RUSC1: variants seen among roughly 807,000 people sequenced by gnomAD.
RUSC1 encodes the protein RUN and SH3 domain containing 1.
A neutral mutation model predicts 72.1 loss-of-function variants in RUSC1; 40 were observed. The ratio of observed to expected loss-of-function variants is 0.55; its 90% CI spans 0.43 to 0.72. The LOEUF is 0.72. Ranked by LOEUF, RUSC1 falls within the 30% of genes least tolerant of loss-of-function variation. The pLI, the probability that RUSC1 is intolerant of heterozygous loss-of-function variation, is 0.00. For missense variants in RUSC1, 1,092 were observed against 1,172.3 expected, an observed-to-expected ratio of 0.93 and a Z score of 1.00; for synonymous variants, 512 against 494.2, an observed-to-expected ratio of 1.04 and a Z score of -0.48.
Position 155,325,970 on chromosome 1 carries a change from G to A in RUSC1, c.1861+60G>A. The stretch of plus-strand genomic sequence containing the variant: ...GGGCTGGGAGGATGGGAAGGAAAGA[G>A]TTCTCTCCTGCTGGTTCCCACTGCT... On this transcript the variant is annotated intron_variant, in intron 7 of 9. Coordinates refer to ENST00000368352, the MANE Select transcript of RUSC1 (RefSeq NM_001105203.2). This position sits in a 1 kb window ranked among gnomAD's most constrained non-coding sequence, Gnocchi z 6.5. The A allele has an allele frequency of 6.5e-7, 1 of 1,528,068 alleles. No homozygotes were observed. Among genetic ancestry groups the A allele is most frequent in the Non-Finnish European group, 9.1e-7 (1 of 1,101,780 alleles). The allele number at this position is 1,528,068 out of a possible 1,614,324, so 94.7% of individuals were successfully genotyped here.
intron 2 of RUSC1, chr1:155,323,437 C>T: frequency 3.6e-6 from 1 of 278,376 alleles, no homozygotes; most frequent in Non-Finnish European, 6.7e-6. Flanking sequence ...CCTGGTTTTC[C>T]GGTTCTCGGC....
At position 155,323,108 on chromosome 1, in the gene RUSC1, G is replaced by C; in HGVS notation, c.1335G>C (p.Pro445=). 2.8e-6 allele frequency: 4 copies of C among 1,423,830 alleles called. No homozygotes were observed. Among genetic ancestry groups the C allele is most frequent in the Non-Finnish European group, 3.7e-6 (4 of 1,093,960 alleles). The allele number at this position is 1,423,830 out of a possible 1,614,324, so 88.2% of individuals were successfully genotyped here. The change falls in exon 2 of 10, where the codon CCG becomes CCC. Residue 445 remains proline, a synonymous_variant. Transcript: ENST00000368352. ...AGEEAPAAKE[P]GAQAGLEVRS... The stretch of plus-strand genomic sequence containing the variant: ...AGGAGGCCCCAGCCGCGAAGGAGCC[G>C]GGCGCGCAGGCCGGCCTGGAGGGTA...
chr1:155,324,135 T>C, intron 2 of RUSC1: 1 of 1,292,108 alleles, frequency 7.7e-7, no homozygotes. Context: ...GGGCTTTGGG[T>C]CACACCCTCT....
At position 155,322,962 on chromosome 1, in the gene RUSC1, G is replaced by C; in HGVS notation, c.1189G>C (p.Val397Leu). 1 of 1,543,092 alleles carries C rather than the reference G, an allele frequency of 6.5e-7. No homozygotes were observed. Among genetic ancestry groups the C allele is most frequent in the Non-Finnish European group, 8.7e-7 (1 of 1,142,930 alleles). The change falls in exon 2 of 10, where the codon GTC (valine) becomes CTC (leucine). Residue 397 changes from valine to leucine, a missense_variant. By Grantham distance (32) the Val-to-Leu change is conservative. Transcript: ENST00000368352. ...PRDPPVGWAL[V>L]PPRPPPPPVP... ...AGACCCCCCAGTTGGCTGGGCTTTG[G>C]TCCCGCCCCGGCCCCCACCCCCGCC...
At position 155,325,147 on chromosome 1, in the gene RUSC1, A is replaced by T. The variant is rs763114846; in HGVS notation, c.1502A>T (p.His501Leu). The change falls in exon 4 of 10, where the codon CAT becomes CTT. Residue 501 changes from histidine (H) to leucine (L), a missense_variant. Transcript: ENST00000368352. This position sits in a 1 kb window ranked among gnomAD's most constrained non-coding sequence, Gnocchi z 6.5. ...VSVSVDKIIS[H>L]FGAARNLVQK... The stretch of plus-strand genomic sequence containing the variant: ...GTCTCCGTTGATAAAATCATCTCGC[A>T]TTTCGGGGCCGCCCGGAACTTGGTG... 2.5e-6 allele frequency: 4 copies of T among 1,614,130 alleles called. No individual in the cohort carries two copies. The South Asian group carries it at 4.4e-5, about 18-fold the overall frequency.
Position 155,327,104 on chromosome 1 carries a change from G to C in RUSC1, c.2386G>C (p.Glu796Gln), listed in dbSNP as rs999091289. The C allele has an allele frequency of 1.2e-6, 2 of 1,606,928 alleles. No individual in the cohort carries two copies. The highest frequency in any genetic ancestry group is 1.3e-5 in the African/African-American group (1 of 74,788). ...RLFGVPGGPA[E>Q]NENGALKSRR... ...ATTTGGAGTGCCTGGGGGCCCCGCA[G>C]AAAATGAGAATGGAGCCCTAAAGTC... Residue 796 changes from glutamate to glutamine, a missense_variant, in exon 8 of 10, where the codon GAA becomes CAA. Coordinates refer to ENST00000368352, the MANE Select transcript of RUSC1 (RefSeq NM_001105203.2).
chr1:155,325,080 T>TTCCCTTTCCCACTCC lies in RUSC1; in HGVS notation c.1457-17_1457-3dup, dbSNP rs1334753412. ...GGTAGGGGCGCGGCCTCCTAGCGTC[T>TTCCCTTTCCCACTCC]TCCCTTTCCCACTCCTCCCAGGTCT... On this transcript the variant is annotated intron_variant, in intron 3 of 9. Transcript: ENST00000368352. The surrounding 1 kb of genome is among the most constrained non-coding windows in gnomAD (Gnocchi z 6.5). The TTCCCTTTCCCACTCC allele has an allele frequency of 2.7e-5, 43 of 1,614,090 alleles. No homozygotes were observed. The highest frequency in any genetic ancestry group is 3.6e-5 in the Non-Finnish European group (42 of 1,180,036).
rs181309799 is a variant in RUSC1, at chr1:155,328,089, C to T, written c.2415-61C>T. The T allele has an allele frequency of 2.5e-6, 4 of 1,569,926 alleles. No homozygotes were observed. The East Asian group carries it at 6.8e-5, about 27-fold the overall frequency. ...CCTTAGCCTCTCCCTCCCTCCAAAC[C>T]CCAGGGTTCTTGGGTTTTCTGGAAG... On this transcript the variant is annotated intron_variant, in intron 8 of 9. Coordinates refer to ENST00000368352, the MANE Select transcript of RUSC1 (RefSeq NM_001105203.2).
At position 155,330,371 on chromosome 1, in the gene RUSC1, T is replaced by G. The variant is rs758626820; in HGVS notation, c.2541-32T>G. The G allele has an allele frequency of 1.9e-6, 3 of 1,611,596 alleles. No individual in the cohort carries two copies. In the East Asian group the frequency reaches 6.7e-5, roughly 36 times the overall value. On this transcript the variant is annotated intron_variant, in intron 9 of 9. Transcript: ENST00000368352. Reference sequence around the variant, plus strand: ...GACGGCTGGGCAGCCCCACCTCACCTCATCCCAGTATCTTCCTCTGGCTCC... The same window carrying G: ...GACGGCTGGGCAGCCCCACCTCACCGCATCCCAGTATCTTCCTCTGGCTCC...
chr1:155,328,192 T>C lies in RUSC1; in HGVS notation c.2457T>C (p.Ala819=), dbSNP rs775728243. Residue 819 remains alanine, a synonymous_variant, in exon 9 of 10, where the codon GCT becomes GCC. Coordinates refer to ENST00000368352, the MANE Select transcript of RUSC1 (RefSeq NM_001105203.2). Reference sequence around the variant, plus strand: ...TGCCCCCGACAGTGAGTGTGTTGGCTCTTGTGAAGCGGGGGGCACCTCCCG... The same window carrying C: ...TGCCCCCGACAGTGAGTGTGTTGGCCCTTGTGAAGCGGGGGGCACCTCCCG... The part of the protein sequence containing the change: ...SWLPPTVSVL[A]LVKRGAPPEM... The C allele has an allele frequency of 1.2e-6, 2 of 1,613,502 alleles. No individual in the cohort carries two copies. The highest frequency in any genetic ancestry group is 1.7e-6 in the Non-Finnish European group (2 of 1,179,816).
In RUSC1 at chr1:155,325,552, AC is replaced by A; in HGVS notation, c.1709-11del. The A allele has an allele frequency of 6.2e-7, 1 of 1,607,852 alleles. No homozygotes were observed. The highest frequency in any genetic ancestry group is 8.5e-7 in the Non-Finnish European group (1 of 1,179,690). On this transcript the variant is annotated splice_polypyrimidine_tract_variant and intron_variant, in intron 5 of 9. Transcript: ENST00000368352. This position sits in a 1 kb window ranked among gnomAD's most constrained non-coding sequence, Gnocchi z 6.5. ...GGCAGGGCCGGGCTTGGCTGACTGC[AC>A]CCCACGTTCTCAGGCTCCAGCACCC...
chr1:155,326,761 T>G lies in RUSC1; in HGVS notation c.2043T>G (p.Pro681=). 1 of 1,613,018 alleles carries G rather than the reference T, an allele frequency of 6.2e-7. No individual in the cohort carries two copies. The highest frequency in any genetic ancestry group is 8.5e-7 in the Non-Finnish European group (1 of 1,180,016). Residue 681 remains proline (P), a synonymous_variant, in exon 8 of 10, where the codon CCT becomes CCG. Transcript: ENST00000368352. The surrounding 1 kb of genome is among the most constrained non-coding windows in gnomAD (Gnocchi z 4.7). ...TGGGCCCACCTCAGGCCCCTGCCCC[T>G]CCAGGCCCACCTCCAGCTCTGCAGC... ...LPLGPPQAPA[P]PGPPPALQQT...
At position 155,325,227 on chromosome 1, in the gene RUSC1, T is replaced by C; in HGVS notation, c.1533+49T>C. 6.2e-7 allele frequency: 1 copy of C among 1,613,374 alleles called. No homozygotes were observed. Among genetic ancestry groups the C allele is most frequent in the Non-Finnish European group, 8.5e-7 (1 of 1,179,946 alleles). ...GTTGGGATGAGGAGAGTAATGGAGC[T>C]CCGCGGGGGGTGCGGGAATGGTTGG... On this transcript the variant is annotated intron_variant, in intron 4 of 9. Transcript: ENST00000368352. This position sits in a 1 kb window ranked among gnomAD's most constrained non-coding sequence, Gnocchi z 6.5.
intron 9 of RUSC1, 67 bp downstream of exon 9, chr1:155,328,342 T>G: frequency 6.8e-7 from 1 of 1,471,750 alleles, no homozygotes; most frequent in South Asian, 1.5e-5. Context: ...GGATGGGAGG[T>G]AGTGTAAAAA....
chr1:155,321,532 G>A lies in RUSC1; in HGVS notation c.-86-156G>A, dbSNP rs541585256. On this transcript the variant is annotated intron_variant, in intron 1 of 9. Coordinates refer to ENST00000368352, the MANE Select transcript of RUSC1 (RefSeq NM_001105203.2). ...GACTCCATCTGCAAACACTGCAGTG[G>A]AAACTAATGGTCAGTCGATTGCGAT... is the stretch of plus-strand genomic sequence containing the variant. The A allele has an allele frequency of 7.4e-5, 104 of 1,401,682 alleles. 1 individual carries two copies. In the Middle Eastern group the frequency reaches 1.2e-3, roughly 16 times the overall value. 86.8% of individuals were successfully genotyped at this position (1,401,682 alleles called of 1,614,324 possible). A position where few individuals can be genotyped will look rare whatever the true frequency, so the allele number is the denominator to read the frequency against.
chr1:155,322,628 T>A lies in RUSC1; in HGVS notation c.855T>A (p.Asp285Glu). Residue 285 changes from aspartate (D) to glutamate (E), a missense_variant, in exon 2 of 10, where the codon GAT becomes GAA. By Grantham distance (45) the Asp-to-Glu change is conservative. Coordinates refer to ENST00000368352, the MANE Select transcript of RUSC1 (RefSeq NM_001105203.2). ...SGWKTNTRITDSGSKTDAGKI... is the reference protein window; with the variant it reads ...SGWKTNTRITESGSKTDAGKI... ...GGAAAACCAACACAAGAATAACTGA[T>A]TCTGGCTCGAAAACAGATGCAGGGA... The A allele has an allele frequency of 6.2e-7, 1 of 1,614,254 alleles. No individual in the cohort carries two copies. Among genetic ancestry groups the A allele is most frequent in the Non-Finnish European group, 8.5e-7 (1 of 1,180,050 alleles).
chr1:155,321,286 C>T, intron 1 of RUSC1: 1 of 1,369,594 alleles, frequency 7.3e-7, no homozygotes, highest in Non-Finnish European at 9.8e-7. Context: ...ATTGCCCCAC[C>T]CCCATCCTCC....
chr1:155,330,731 T>G lies in RUSC1; in HGVS notation c.*160T>G. 1.6e-6 allele frequency: 1 copy of G among 623,924 alleles called. No homozygotes were observed. The highest frequency in any genetic ancestry group is 2.6e-6 in the Non-Finnish European group (1 of 384,068). The allele number at this position is 623,924 out of a possible 1,614,324, so 38.6% of individuals were successfully genotyped here. On this transcript the variant is annotated 3_prime_UTR_variant, in exon 10 of 10. Transcript: ENST00000368352. The stretch of plus-strand genomic sequence containing the variant: ...AATAAACTTTCCTTCTTCCCTCCTA[T>G]ACCCACCTGTAAGGTGAAATCTGCT...
Position 155,326,738 on chromosome 1 carries a change from G to T in RUSC1, c.2020G>T (p.Gly674Cys). 6.2e-7 allele frequency: 1 copy of T among 1,613,224 alleles called. No individual in the cohort carries two copies. The highest frequency in any genetic ancestry group is 8.5e-7 in the Non-Finnish European group (1 of 1,180,024). ...TGAGCACCACCACCACCTGCCCCTG[G>T]GCCCACCTCAGGCCCCTGCCCCTCC... ...LFEHHHHLPLGPPQAPAPPGP... is the reference protein window; with the variant it reads ...LFEHHHHLPLCPPQAPAPPGP... The change falls in exon 8 of 10, where the codon GGC becomes TGC. Residue 674 changes from glycine (G) to cysteine (C), a missense_variant. Transcript: ENST00000368352. This position sits in a 1 kb window ranked among gnomAD's most constrained non-coding sequence, Gnocchi z 4.7.
Sources: allele counts gnomAD v4.1 joint callset, GRCh38; gene constraint gnomAD v4.1.1; non-coding constraint Gnocchi (gnomAD v3.1); transcripts MANE v1.5; gene names NCBI Gene and HGNC (gene_info 2026-07-23, HGNC 2026-07-21).